The following WIF1 variants were observed in gnomAD, a reference collection of about 807,000 sequenced individuals.
WIF1 encodes the protein Wnt inhibitory factor 1.
Under a neutral mutation model 53.5 loss-of-function variants are expected in WIF1, and 35 were observed. That is an observed-to-expected ratio of 0.65 (90% CI 0.50 to 0.87). The LOEUF (loss-of-function observed/expected upper bound fraction) is 0.87, where lower values mean the gene tolerates loss of function less well. WIF1 is among the 40% of genes least tolerant of loss of function. The pLI is 0.00. For synonymous variants in WIF1, 171 were observed against 170.4 expected, an observed-to-expected ratio of 1.00 and a Z score of -0.03; for missense variants, 467 against 476.8, an observed-to-expected ratio of 0.98 and a Z score of 0.19.
chr12:65,088,860 T>G (rs2136628547), intron 2 of WIF1, among the ~76,000 whole-genome samples: 2 of 152,268 alleles, frequency 1.3e-5, no homozygotes, highest in East Asian at 3.9e-4. Flanking sequence ...GATGTTCATA[T>G]GCATATGAAT....
At chr12:65,052,987 T>C (rs1391401866) in intron 9 of WIF1, among the ~76,000 whole-genome samples, 1 of 152,168 alleles carries the variant, frequency 6.6e-6, no homozygotes, top group Non-Finnish European at 1.5e-5. Flanking sequence ...GCATGTGTGG[T>C]CTGGACTAGG....
chr12:65,093,581 A>G (rs1883157086), intron 2 of WIF1, among the ~76,000 whole-genome samples: 1 of 152,168 alleles, frequency 6.6e-6, no homozygotes, highest in Non-Finnish European at 1.5e-5. Flanking sequence ...AGCACAGCAA[A>G]TGACAGTATT....
intron 9 of WIF1, among the ~76,000 whole-genome samples, chr12:65,053,114 T>G (rs1882466005): frequency 6.6e-6 from 1 of 152,124 alleles, no homozygotes; most frequent in African/African-American, 2.4e-5. Context: ...AAATATTGAG[T>G]CTCCTATAGG....
At chr12:65,120,819 G>T in intron 1 of WIF1, 1 of 854,092 alleles carries the variant, frequency 1.2e-6, no homozygotes, top group East Asian at 2.9e-5. Context: ...TAAAAACGCA[G>T]GGCTATAAAA....
At chr12:65,108,328 G>A (rs566669891) in intron 2 of WIF1, among the ~76,000 whole-genome samples, 113 of 152,244 alleles carry the variant, frequency 7.4e-4, no homozygotes, top group African/African-American at 2.6e-3. Context: ...AGATGAGAAG[G>A]GGAAGGAGGA....
intron 3 of WIF1, among the ~76,000 whole-genome samples, chr12:65,070,564 G>A (rs1882757709): frequency 6.6e-6 from 1 of 152,086 alleles, no homozygotes; most frequent in Admixed American, 6.6e-5. Context: ...ACATGGACAG[G>A]TAGGCCAATA....
intron 2 of WIF1, among the ~76,000 whole-genome samples, chr12:65,112,416 A>T (rs1232611171): frequency 7.0e-6 from 1 of 142,200 alleles, no homozygotes; most frequent in Admixed American, 6.8e-5. Context: ...ACACACACAC[A>T]CACACACACA....
rs551953473 is a variant in WIF1, at chr12:65,088,805, AG to A, written c.289-10952del. Among the ~76,000 whole-genome samples the A allele has an allele frequency of 1.7e-4, 26 of 152,158 alleles. 1 individual carries two copies. The South Asian group carries it at 5.2e-3, about 30-fold the overall frequency. On this transcript the variant is annotated intron_variant, in intron 2 of 9. Coordinates refer to ENST00000286574, the MANE Select transcript of WIF1 (RefSeq NM_007191.5). ...CTCTATAATTGCACCTCAAAAAAAAAGTTCTGAATGTGGGTCTATGCGTCCT... is the reference window on the plus strand; with the variant it reads ...CTCTATAATTGCACCTCAAAAAAAAATTCTGAATGTGGGTCTATGCGTCCT...
intron 2 of WIF1, among the ~76,000 whole-genome samples, chr12:65,107,084 C>T (rs1021193394): frequency 6.6e-6 from 1 of 152,092 alleles, no homozygotes; most frequent in African/African-American, 2.4e-5. Flanking sequence ...AAATGGGCTT[C>T]TGTTACACAG....
intron 1 of WIF1, 178 bp from the exon 2 acceptor site, chr12:65,120,734 T>G: frequency 1.2e-6 from 1 of 861,180 alleles, no homozygotes; most frequent in Non-Finnish European, 1.7e-6. Context: ...ATGAGAATGA[T>G]GCCAACAGAC....
intron 6 of WIF1, among the ~76,000 whole-genome samples, chr12:65,064,640 A>G (rs1882662201): frequency 6.6e-6 from 1 of 152,082 alleles, no homozygotes; most frequent in Non-Finnish European, 1.5e-5. Context: ...TGGAATTTCA[A>G]CAGACATTAT....
chr12:65,068,606 C>T (rs889371662), intron 4 of WIF1, among the ~76,000 whole-genome samples, 158 bp downstream of exon 4: 1 of 151,832 alleles, frequency 6.6e-6, no homozygotes, highest in Admixed American at 6.6e-5. Flanking sequence ...TGATCATCTC[C>T]TCCTTCCGTT....
intron 7 of WIF1, among the ~76,000 whole-genome samples, chr12:65,056,366 CT>C (rs10584146): frequency 4.5e-4 from 11 of 24,256 alleles, no homozygotes; most frequent in Non-Finnish European, 6.4e-4. Flanking sequence ...CATTTATATC[CT>C]TTTTTTTTTT....
At chr12:65,062,270 A>G (rs557772545) in intron 7 of WIF1, among the ~76,000 whole-genome samples, 1 of 152,312 alleles carries the variant, frequency 6.6e-6, no homozygotes. Flanking sequence ...ATTTCTTCTG[A>G]GTCCTCTGAG....
intron 2 of WIF1, among the ~76,000 whole-genome samples, chr12:65,099,610 G>A (rs926778629): frequency 3.3e-5 from 5 of 152,138 alleles, no homozygotes; most frequent in African/African-American, 9.7e-5. Context: ...CAAGACTGCT[G>A]GTTCAAGTGA....
At chr12:65,103,465 A>T (rs1883310184) in intron 2 of WIF1, among the ~76,000 whole-genome samples, 1 of 152,240 alleles carries the variant, frequency 6.6e-6, no homozygotes, top group East Asian at 1.9e-4. Flanking sequence ...AACTCTAGAC[A>T]ATATAGGACA....
chr12:65,104,294 C>T (rs1218407461), intron 2 of WIF1, among the ~76,000 whole-genome samples: 1 of 152,172 alleles, frequency 6.6e-6, no homozygotes, highest in African/African-American at 2.4e-5. Context: ...TTTTAACTTC[C>T]CCTGCAAGTA....
intron 2 of WIF1, among the ~76,000 whole-genome samples, chr12:65,096,139 C>T (rs1025273736): frequency 1.3e-5 from 2 of 152,106 alleles, no homozygotes; most frequent in African/African-American, 4.8e-5. Context: ...GTCTAATATC[C>T]AGAATCTACA....
chr12:65,114,148 T>G (rs1883474115), intron 2 of WIF1, among the ~76,000 whole-genome samples: 1 of 150,782 alleles, frequency 6.6e-6, no homozygotes, highest in Non-Finnish European at 1.5e-5. Context: ...GAGGGAATTC[T>G]TGAATTAAAA....
Sources: gnomAD v4.1 joint callset for allele counts (sites outside exome capture counted in the v4.1 genomes callset) on GRCh38, gnomAD v4.1.1 for gene constraint, MANE v1.5 for transcripts, NCBI Gene and HGNC (gene_info 2026-07-23, HGNC 2026-07-21) for gene names.